The following DEPDC4 variants were observed in gnomAD, a reference collection of about 807,000 sequenced individuals.
The protein encoded by DEPDC4 is DEP domain containing 4, also known as DEP domain-containing protein 4.
In DEPDC4, 52 loss-of-function variants were observed where a neutral mutation model predicts 52.0. That is an observed-to-expected ratio of 1.00 (90% CI 0.80 to 1.26). The LOEUF (loss-of-function observed/expected upper bound fraction) is 1.26. Among genes scored for constraint, DEPDC4 ranks in the 50% most tolerant of loss-of-function variants. The pLI, the probability that DEPDC4 is intolerant of heterozygous loss-of-function variation, is 0.00. For synonymous variants in DEPDC4, 201 were observed against 196.8 expected (o/e 1.02, Z -0.18); for missense variants, 530 against 546.9 (o/e 0.97, Z 0.31).
chr12:100,257,975 T>TGATA (rs3054280), intron 3 of DEPDC4, among the ~76,000 whole-genome samples: 207 of 149,320 alleles, frequency 1.4e-3, no homozygotes, highest in Middle Eastern at 3.4e-3. Flanking sequence ...TAAAATGTAT[T>TGATA]GATAGATAGA....
At chr12:100,273,440 G>C in the DEPDC4 span, among the ~76,000 whole-genome samples, 30 of 152,160 alleles carry the variant, frequency 2.0e-4, no homozygotes, top group East Asian at 5.0e-3. Flanking sequence ...TCCCTTTGAT[G>C]TAAGATTTTT....
chr12:100,260,490 T>C (rs2096249773), intron 3 of DEPDC4, among the ~76,000 whole-genome samples: 1 of 151,658 alleles, frequency 6.6e-6, no homozygotes, highest in South Asian at 2.1e-4. Flanking sequence ...CAAGAAAAAA[T>C]AATGGGAAAA....
chr12:100,261,120 G>A (rs1305556793), intron 3 of DEPDC4, among the ~76,000 whole-genome samples: 3 of 151,704 alleles, frequency 2.0e-5, no homozygotes, highest in African/African-American at 7.3e-5. Context: ...GGCAGAGGTT[G>A]GAGTGAGCCA....
At chr12:100,269,700 A>G (rs2096285214), upstream of DEPDC4, among the ~76,000 whole-genome samples, 1 of 152,286 alleles carries the variant, frequency 6.6e-6, no homozygotes, top group Admixed American at 6.5e-5. Flanking sequence ...TAGAATTGGC[A>G]TTTGAACTCA....
In DEPDC4 at chr12:100,256,206, A is replaced by C; in HGVS notation, c.721T>G (p.Leu241Val). The C allele has an allele frequency of 6.2e-7, 1 of 1,611,110 alleles. No individual in the cohort carries two copies. The stretch of plus-strand genomic sequence containing the variant: ...TGAATCAATTGAAGAAGACATAATA[A>C]TGTTTGTTCTTTCCAAACATCTTGA... Reference protein sequence around the residue: ...SKEDVWKEQTLLCLLQLIHLP... With the variant: ...SKEDVWKEQTVLCLLQLIHLP... The change falls in exon 4 of 10, where the codon TTA becomes GTA. Residue 241 changes from leucine to valine, a missense_variant. Transcript: ENST00000550587.
chr12:100,252,357 A>AG (rs1566315898), intron 6 of DEPDC4, 37 bp downstream of exon 6: 2 of 682,434 alleles, frequency 2.9e-6, no homozygotes, highest in Non-Finnish European at 2.0e-6. Flanking sequence ...AAAAAATAGC[A>AG]AAAAAAAATG....
chr12:100,269,452 A>G (rs541968980), upstream of DEPDC4, among the ~76,000 whole-genome samples: 1 of 152,250 alleles, frequency 6.6e-6, no homozygotes, highest in East Asian at 1.9e-4. Flanking sequence ...GTTTATTAAT[A>G]CTTAATAAAT....
chr12:100,251,298 A>C (rs895939079), intron 7 of DEPDC4, among the ~76,000 whole-genome samples: 1 of 152,126 alleles, frequency 6.6e-6, no homozygotes, highest in African/African-American at 2.4e-5. Context: ...TGGAGAAATA[A>C]CACCATTGAA....
At chr12:100,242,779 A>C (rs2096165292) in intron 8 of DEPDC4, among the ~76,000 whole-genome samples, 2 of 152,180 alleles carry the variant, frequency 1.3e-5, no homozygotes, top group African/African-American at 4.8e-5. Flanking sequence ...TCCCATCCTG[A>C]GTCCATCACA....
At chr12:100,245,335 C>T (rs888925377) in intron 8 of DEPDC4, among the ~76,000 whole-genome samples, 18 of 152,062 alleles carry the variant, frequency 1.2e-4, no homozygotes, top group African/African-American at 2.4e-4. Context: ...GGCGAGATCT[C>T]GGCTCAATGC....
intron 2 of DEPDC4, 86 bp from the exon 3 acceptor site, chr12:100,262,495 T>C: frequency 9.2e-7 from 1 of 1,091,240 alleles, no homozygotes; most frequent in Non-Finnish European, 1.2e-6. Context: ...TTAAAATTTA[T>C]TCATACATTC....
In DEPDC4 at chr12:100,241,863, A is replaced by C. The variant is rs1193695064; in HGVS notation, c.*47-18T>G. 1.7e-6 allele frequency: 2 copies of C among 1,194,122 alleles called. No individual in the cohort carries two copies. Among genetic ancestry groups the C allele is most frequent in the South Asian group, 1.5e-5 (1 of 65,674 alleles). 74.0% of individuals were successfully genotyped at this position (1,194,122 alleles called of 1,614,324 possible). The stretch of plus-strand genomic sequence containing the variant: ...CGTAAAGCCTGGAAAAAAAAAAAAA[A>C]AACAAAAGAAAAAGAAAAGTACCAC... On this transcript the variant is annotated intron_variant, in intron 9 of 9. Transcript: ENST00000550587.
At chr12:100,231,887 G>A (rs2096135324) in intron 9 of DEPDC4, among the ~76,000 whole-genome samples, 1 of 151,994 alleles carries the variant, frequency 6.6e-6, no homozygotes, top group Admixed American at 6.6e-5. Flanking sequence ...AGAGGTTGCA[G>A]TGAGCTGAGA....
At chr12:100,259,581 C>A (rs1373440756) in intron 3 of DEPDC4, among the ~76,000 whole-genome samples, 2 of 152,274 alleles carry the variant, frequency 1.3e-5, no homozygotes, top group African/African-American at 2.4e-5. Context: ...ATAATGTAAA[C>A]ATGCTGTATT....
the DEPDC4 span, among the ~76,000 whole-genome samples, chr12:100,279,273 A>G: frequency 6.6e-6 from 1 of 152,194 alleles, no homozygotes; most frequent in Non-Finnish European, 1.5e-5. Flanking sequence ...TGTGCAGTTC[A>G]CAGTAGGGTT....
chr12:100,267,440 G>C (rs7316039), upstream of DEPDC4: 47,721 of 177,228 alleles, frequency 0.27, 7,310 homozygotes, highest in African/African-American at 0.39. Context: ...CCTCACCGGC[G>C]GCTCTCTCGC....
At chr12:100,281,019 GTTTTTTTTTTTTT>G in the DEPDC4 span, among the ~76,000 whole-genome samples, 4 of 50,466 alleles carry the variant, frequency 7.9e-5, no homozygotes, top group Non-Finnish European at 1.7e-4. Context: ...TACCATCAGT[GTTTTTTTTTTTTT>G]TTTTTTTTTT....
intron 1 of DEPDC4, among the ~76,000 whole-genome samples, chr12:100,266,089 A>G (rs1406914228): frequency 6.6e-6 from 1 of 152,150 alleles, no homozygotes; most frequent in East Asian, 1.9e-4. Context: ...TTTAATTAAA[A>G]TTAATTAAAA....
chr12:100,243,453 C>G (rs573679432), intron 8 of DEPDC4, among the ~76,000 whole-genome samples: 1 of 152,140 alleles, frequency 6.6e-6, no homozygotes, highest in Admixed American at 6.6e-5. Flanking sequence ...CCTACTTTAT[C>G]GAGGAAAATG....
Sources: gnomAD v4.1 joint callset for allele counts (sites outside exome capture counted in the v4.1 genomes callset) on GRCh38, gnomAD v4.1.1 for gene constraint, MANE v1.5 for transcripts, NCBI Gene and HGNC (gene_info 2026-07-23, HGNC 2026-07-21) for gene names.